MRTFA: variants seen among roughly 807,000 people sequenced by gnomAD.
MRTFA encodes the protein myocardin-related transcription factor A.
MRTFA carries 20 observed loss-of-function variants against 83.5 expected under a neutral mutation model. The ratio of observed to expected loss-of-function variants is 0.24; its 90% confidence interval spans 0.17 to 0.35. MRTFA has a LOEUF of 0.35. Among genes scored for constraint, MRTFA ranks in the 10% least tolerant of loss-of-function variants. The pLI is 1.00. For synonymous variants in MRTFA, 659 were observed against 541.2 expected (o/e 1.22, Z -3.02); for missense variants, 1,200 against 1,224.7 (o/e 0.98, Z 0.30).
intron 1 of MRTFA, among the ~76,000 whole-genome samples, chr22:40,627,084 A>G (rs545593958): frequency 6.6e-6 from 1 of 152,260 alleles, no homozygotes; most frequent in Non-Finnish European, 1.5e-5. Context: ...ACAATTTAAA[A>G]GATACTGAAA....
chr22:40,564,748 G>A (rs756258372), intron 2 of MRTFA, among the ~76,000 whole-genome samples: 2 of 152,150 alleles, frequency 1.3e-5, no homozygotes, highest in Non-Finnish European at 2.9e-5. Flanking sequence ...CGTCTCCCGG[G>A]TTCAAGCTTT....
At chr22:40,620,280 A>C (rs1397185795) in intron 1 of MRTFA, among the ~76,000 whole-genome samples, 1 of 151,840 alleles carries the variant, frequency 6.6e-6, no homozygotes, top group African/African-American at 2.4e-5. Flanking sequence ...ATGCATTACC[A>C]CGCCTGGCTA....
At chr22:40,567,418 C>A (rs956089249) in intron 2 of MRTFA, among the ~76,000 whole-genome samples, 1 of 152,136 alleles carries the variant, frequency 6.6e-6, no homozygotes, top group Non-Finnish European at 1.5e-5. Context: ...GAAGTCCACA[C>A]GCTACGTATA....
At chr22:40,445,330 A>G (rs1036699479) in intron 4 of MRTFA, among the ~76,000 whole-genome samples, 2 of 152,234 alleles carry the variant, frequency 1.3e-5, no homozygotes, top group Admixed American at 6.5e-5. Flanking sequence ...AGTTGCAGAT[A>G]TCAGTTATGA....
chr22:40,608,753 C>T (rs1051100746), intron 1 of MRTFA, among the ~76,000 whole-genome samples: 8 of 152,156 alleles, frequency 5.3e-5, no homozygotes, highest in African/African-American at 1.7e-4. Context: ...TGAAGATGGA[C>T]AAGGTCCCTG....
chr22:40,630,498 G>C (rs1026052914), intron 1 of MRTFA, among the ~76,000 whole-genome samples: 1 of 152,058 alleles, frequency 6.6e-6, no homozygotes, highest in African/African-American at 2.4e-5. Context: ...ACTTCAACTT[G>C]GAGAAAGCTG....
intron 1 of MRTFA, among the ~76,000 whole-genome samples, chr22:40,626,866 A>AACACACAC (rs141945541): frequency 0.015 from 2,250 of 145,198 alleles, 28 homozygotes; most frequent in Middle Eastern, 0.073. Flanking sequence ...CCCTGTCTCA[A>AACACACAC]ACACACACAC....
chr22:40,500,524 G>A (rs1477735260), intron 3 of MRTFA, among the ~76,000 whole-genome samples: 1 of 151,390 alleles, frequency 6.6e-6, no homozygotes, highest in African/African-American at 2.4e-5. Context: ...GGTTTTCCTA[G>A]GCAGAGGACC....
chr22:40,621,406 T>C (rs993364730), intron 1 of MRTFA, among the ~76,000 whole-genome samples: 11 of 152,110 alleles, frequency 7.2e-5, no homozygotes, highest in African/African-American at 2.4e-4. Context: ...ATGAAGTACT[T>C]AAGAGTAATC....
At chr22:40,465,989 T>C (rs73887827) in intron 3 of MRTFA, among the ~76,000 whole-genome samples, 2,795 of 152,206 alleles carry the variant, frequency 0.018, 79 homozygotes, top group African/African-American at 0.064. Flanking sequence ...AGCATTCTGA[T>C]TCCAAAACCT....
intron 1 of MRTFA, among the ~76,000 whole-genome samples, chr22:40,635,387 T>C (rs1176982268): frequency 2.0e-5 from 3 of 152,206 alleles, no homozygotes; most frequent in African/African-American, 4.8e-5. Flanking sequence ...GAAAGGACCC[T>C]GAAAAGATCT....
intron 3 of MRTFA, among the ~76,000 whole-genome samples, chr22:40,470,916 T>TTGTG: frequency 6.6e-6 from 1 of 151,766 alleles, no homozygotes; most frequent in African/African-American, 2.4e-5. Context: ...GCCACTGCAC[T>TTGTG]CCAGCCTAGG....
chr22:40,542,951 G>A (rs770529978), intron 3 of MRTFA, among the ~76,000 whole-genome samples: 4 of 152,102 alleles, frequency 2.6e-5, no homozygotes, highest in African/African-American at 4.8e-5. Context: ...CTTTTGTTTT[G>A]TTTTGTGTTA....
intron 3 of MRTFA, among the ~76,000 whole-genome samples, chr22:40,493,531 G>A (rs2147206203): frequency 6.6e-6 from 1 of 152,140 alleles, no homozygotes; most frequent in Non-Finnish European, 1.5e-5. Flanking sequence ...TTTATAAAGT[G>A]GAAAGAAAAG....
At chr22:40,600,455 G>A (rs2147394127) in intron 1 of MRTFA, among the ~76,000 whole-genome samples, 1 of 152,250 alleles carries the variant, frequency 6.6e-6, no homozygotes. Flanking sequence ...AACAGTTAAG[G>A]CAGGGCATGC....
intron 1 of MRTFA, among the ~76,000 whole-genome samples, chr22:40,601,880 A>C (rs1037352159): frequency 1.2e-4 from 18 of 152,218 alleles, no homozygotes; most frequent in Admixed American, 1.1e-3. Context: ...GTAGGGGGTC[A>C]AATCTCAGTA....
chr22:40,542,348 CT>C (rs1286763314), intron 3 of MRTFA, among the ~76,000 whole-genome samples: 2 of 152,198 alleles, frequency 1.3e-5, no homozygotes, highest in Admixed American at 6.5e-5. Context: ...ATCTGTTATT[CT>C]GTTATAATAT....
intron 2 of MRTFA, among the ~76,000 whole-genome samples, chr22:40,554,613 T>C (rs530357179): frequency 1.5e-3 from 230 of 152,330 alleles, no homozygotes; most frequent in African/African-American, 4.2e-3. Context: ...TTAAACCTCT[T>C]TCCTTTATAA....
intron 9 of MRTFA, among the ~76,000 whole-genome samples, chr22:40,422,910 A>C (rs998497831): frequency 2.6e-5 from 4 of 152,218 alleles, no homozygotes; most frequent in African/African-American, 9.6e-5. Flanking sequence ...CAGGTGGAGC[A>C]AGTCAGGGAG....
Sources: allele counts gnomAD v4.1 joint callset (sites outside exome capture counted in the v4.1 genomes callset), GRCh38; gene constraint gnomAD v4.1.1; transcripts MANE v1.5; gene names NCBI Gene and HGNC (gene_info 2026-07-23, HGNC 2026-07-21).